Variants in CELF2 observed in about 807,000 individuals in gnomAD.
The protein encoded by CELF2 is CUG triplet repeat RNA-binding protein 2.
A neutral mutation model predicts 62.6 loss-of-function variants in CELF2; 8 were observed. That is an observed-to-expected ratio of 0.13 (90% CI 0.07 to 0.23). The LOEUF is 0.23. Among genes scored for constraint, CELF2 ranks in the 10% least tolerant of loss-of-function variants. The pLI is 1.00. For missense variants in CELF2, 333 were observed against 671.0 expected (o/e 0.50, Z 5.56); for synonymous variants, 258 against 250.0 (o/e 1.03, Z -0.30).
intron 1 of CELF2, among the ~76,000 whole-genome samples, chr10:11,066,157 T>G (rs180684870): frequency 7.3e-4 from 111 of 151,880 alleles, no homozygotes; most frequent in African/African-American, 2.6e-3. Context: ...GCACCGGGAG[T>G]AAAGCTTTAA....
the CELF2 span, among the ~76,000 whole-genome samples, chr10:10,589,201 C>T: frequency 6.6e-6 from 1 of 152,090 alleles, no homozygotes; most frequent in African/African-American, 2.4e-5. Flanking sequence ...TTCCGCTGGG[C>T]AATTTGTTGA....
intron 9 of CELF2, among the ~76,000 whole-genome samples, chr10:11,303,489 C>T (rs560166371): frequency 3.9e-5 from 6 of 152,248 alleles, no homozygotes; most frequent in African/African-American, 1.4e-4. Context: ...GACAGAATAC[C>T]CAGATTCTCC....
the CELF2 span, among the ~76,000 whole-genome samples, chr10:10,539,406 G>A: frequency 6.6e-6 from 1 of 152,124 alleles, no homozygotes; most frequent in South Asian, 2.1e-4. Context: ...AACTTAGGGA[G>A]AATCTCAAAG....
At chr10:10,942,757 G>A (rs954008326) in intron 2 of CELF2, among the ~76,000 whole-genome samples, 1 of 152,186 alleles carries the variant, frequency 6.6e-6, no homozygotes, top group Admixed American at 6.5e-5. Context: ...TTCTAAAATT[G>A]CTATATGATG....
chr10:10,823,799 AGCAAGT>A (rs1333164845), intron 1 of CELF2, among the ~76,000 whole-genome samples: 1 of 152,228 alleles, frequency 6.6e-6, no homozygotes, highest in Non-Finnish European at 1.5e-5. Flanking sequence ...GACCCTGTAA[AGCAAGT>A]ATTATTCTTA....
chr10:10,852,820 C>T (rs1394754852), intron 1 of CELF2, among the ~76,000 whole-genome samples: 4 of 152,266 alleles, frequency 2.6e-5, no homozygotes, highest in East Asian at 1.9e-4. Flanking sequence ...AAGACAACAG[C>T]GTGAGATAAG....
intron 7 of CELF2, among the ~76,000 whole-genome samples, chr10:11,274,811 A>G (rs909730229): frequency 3.3e-5 from 5 of 150,380 alleles, no homozygotes; most frequent in East Asian, 2.0e-4. Flanking sequence ...CTGGTTGTTA[A>G]AAAGAGTAAA....
rs554491986 is a variant in CELF2 at position 11,224,874 on chromosome 10, A to G, written c.354+7367A>G. On this transcript the variant is annotated intron_variant, in intron 3 of 12. Transcript: ENST00000633077. The surrounding 1 kb of genome is among the most constrained non-coding windows in gnomAD (Gnocchi z 4.5). ...GAACACCAAGGTTCTTCCCCCACAC[A>G]CTAGGAAATAGGGAATGGCTGAGCT... Among the ~76,000 whole-genome samples, 3 of 152,246 alleles carry G rather than the reference A, an allele frequency of 2.0e-5. No homozygotes were observed. Among genetic ancestry groups the G allele is most frequent in the African/African-American group, 7.2e-5 (3 of 41,544 alleles).
Position 11,135,842 on chromosome 10 carries a change from T to TATGGCC in CELF2, c.75-29643_75-29638dup, listed in dbSNP as rs2060346833. On this transcript the variant is annotated intron_variant, in intron 1 of 12. Coordinates refer to ENST00000633077, the MANE Select transcript of CELF2 (RefSeq NM_001326342.2). ...TGGTCTGAGGTCTGTAAATAATGTG[T>TATGGCC]ATGGCCTGGGCGGTGGTGGGGAAGG... is the stretch of plus-strand genomic sequence containing the variant. Among the ~76,000 whole-genome samples, 8 of 152,262 alleles carry TATGGCC rather than the reference T, an allele frequency of 5.3e-5. No homozygotes were observed. In the South Asian group the frequency reaches 1.7e-3, roughly 32 times the overall value.
chr10:10,750,668 G>A, the CELF2 span, among the ~76,000 whole-genome samples: 10 of 152,374 alleles, frequency 6.6e-5, no homozygotes, highest in East Asian at 5.8e-4. Context: ...GTGTGTATAC[G>A]TGTGTTCCAT....
At chr10:11,193,932 G>A (rs1057131714) in intron 2 of CELF2, among the ~76,000 whole-genome samples, 12 of 152,270 alleles carry the variant, frequency 7.9e-5, no homozygotes, top group African/African-American at 2.6e-4. Context: ...AGACAACTGA[G>A]ATTTAGTTTA....
intron 1 of CELF2, among the ~76,000 whole-genome samples, chr10:10,868,911 A>G (rs1484664883): frequency 6.6e-6 from 1 of 152,250 alleles, no homozygotes; most frequent in Non-Finnish European, 1.5e-5. Flanking sequence ...TGCTAATTTC[A>G]ATGGTAGGTA....
chr10:10,463,409 A>G, the CELF2 span, among the ~76,000 whole-genome samples: 2 of 152,162 alleles, frequency 1.3e-5, no homozygotes, highest in East Asian at 3.9e-4. Flanking sequence ...CACTTAAGAC[A>G]TTTCAGAATG....
At chr10:10,622,925 C>CA in the CELF2 span, among the ~76,000 whole-genome samples, 4 of 150,558 alleles carry the variant, frequency 2.7e-5, no homozygotes, top group Non-Finnish European at 4.4e-5. Flanking sequence ...ACTAAAAATA[C>CA]AAAAAAACGT....
At chr10:10,697,380 C>T in the CELF2 span, among the ~76,000 whole-genome samples, 6 of 152,170 alleles carry the variant, frequency 3.9e-5, no homozygotes, top group African/African-American at 1.2e-4. Flanking sequence ...AAACCCAGCT[C>T]ATGAAGTGGG....
chr10:11,300,516 T>G lies in CELF2; in HGVS notation c.976+11964T>G, dbSNP rs1333510305. 6.6e-6 allele frequency among the ~76,000 whole-genome samples: 1 copy of G among 152,200 alleles called. No homozygotes were observed. Among genetic ancestry groups the G allele is most frequent in the Non-Finnish European group, 1.5e-5 (1 of 68,030 alleles). On this transcript the variant is annotated intron_variant, in intron 9 of 12. Transcript: ENST00000633077. The surrounding 1 kb of genome is among the most constrained non-coding windows in gnomAD (Gnocchi z 5.5). ...ACCACTGCAGCGCCCAGTGTCACTT[T>G]CCAACCCTACCTCCTCTTCCTCAGT...
chr10:10,800,316 G>T (rs1055874974), intron 1 of CELF2, among the ~76,000 whole-genome samples: 1 of 151,996 alleles, frequency 6.6e-6, no homozygotes. Context: ...TTTCATAACC[G>T]CCATTTTAAT....
the CELF2 span, among the ~76,000 whole-genome samples, chr10:10,648,816 C>G: frequency 6.6e-5 from 10 of 152,270 alleles, no homozygotes; most frequent in Middle Eastern, 3.4e-3. Context: ...AATATTAGAG[C>G]AAGCTTATTG....
chr10:11,000,590 G>C (rs1242922310), upstream of CELF2, among the ~76,000 whole-genome samples: 2 of 152,128 alleles, frequency 1.3e-5, no homozygotes, highest in South Asian at 2.1e-4. Flanking sequence ...AGGGCCCTTG[G>C]ATTTGTCACT....
Sources: gnomAD v4.1 joint callset for allele counts (sites outside exome capture counted in the v4.1 genomes callset) on GRCh38, gnomAD v4.1.1 for gene constraint, Gnocchi (gnomAD v3.1) non-coding constraint, MANE v1.5 for transcripts, NCBI Gene and HGNC (gene_info 2026-07-23, HGNC 2026-07-21) for gene names.